Variants in FTO observed in about 807,000 individuals in gnomAD.
FTO encodes the protein FTO alpha-ketoglutarate dependent dioxygenase.
A neutral mutation model predicts 63.9 loss-of-function variants in FTO; 47 were observed. The ratio of observed to expected loss-of-function variants is 0.74; its 90% CI spans 0.58 to 0.94. The LOEUF is 0.94. FTO is among the 40% of genes least tolerant of loss of function. The pLI, the probability that FTO is intolerant of heterozygous loss-of-function variation, is 0.00. For synonymous variants in FTO, 207 were observed against 224.4 expected, an observed-to-expected ratio of 0.92 and a Z score of 0.69; for missense variants, 562 against 618.1, an observed-to-expected ratio of 0.91 and a Z score of 0.96.
At chr16:53,749,568 A>C (rs570553042) in intron 1 of FTO, among the ~76,000 whole-genome samples, 3 of 151,708 alleles carry the variant, frequency 2.0e-5, no homozygotes, top group South Asian at 2.1e-4. Context: ...CCTCCCGAGT[A>C]GCTGGGACTA....
intron 2 of FTO, among the ~76,000 whole-genome samples, chr16:53,815,638 T>G (rs2078656748): frequency 3.9e-5 from 1 of 25,784 alleles, no homozygotes; most frequent in South Asian, 1.6e-3. Context: ...ACTTTCTTGT[T>G]TTTTTTTTTT....
intron 4 of FTO, among the ~76,000 whole-genome samples, chr16:53,850,256 G>A (rs1026251141): frequency 1.3e-5 from 2 of 151,978 alleles, no homozygotes; most frequent in African/African-American, 4.8e-5. Flanking sequence ...TGACAGTATA[G>A]TTTCCACTGC....
chr16:53,733,246 C>T (rs146191472), intron 1 of FTO, among the ~76,000 whole-genome samples: 9 of 152,062 alleles, frequency 5.9e-5, no homozygotes, highest in East Asian at 1.9e-4. Flanking sequence ...ACTAAAGATA[C>T]GAAAAATTAG....
At chr16:54,001,631 C>T (rs1464668544) in intron 8 of FTO, among the ~76,000 whole-genome samples, 1 of 152,166 alleles carries the variant, frequency 6.6e-6, no homozygotes, top group East Asian at 1.9e-4. Flanking sequence ...CTGTTGCTTT[C>T]TCTAATGATT....
chr16:53,921,449 G>A (rs1450311156), intron 7 of FTO, among the ~76,000 whole-genome samples: 1 of 152,124 alleles, frequency 6.6e-6, no homozygotes, highest in East Asian at 1.9e-4. Flanking sequence ...TTTCGTACTT[G>A]GTATAGTTAG....
At chr16:53,989,967 C>G (rs1378869470) in intron 8 of FTO, among the ~76,000 whole-genome samples, 2 of 152,118 alleles carry the variant, frequency 1.3e-5, no homozygotes, top group African/African-American at 4.8e-5. Flanking sequence ...TTAACATTTT[C>G]TTTTCTCTAG....
At chr16:53,758,563 C>A (rs2076977766) in intron 1 of FTO, among the ~76,000 whole-genome samples, 1 of 152,124 alleles carries the variant, frequency 6.6e-6, no homozygotes, top group Non-Finnish European at 1.5e-5. Flanking sequence ...GTAGTGAGGC[C>A]CACCAGTTGA....
intron 8 of FTO, among the ~76,000 whole-genome samples, chr16:54,002,678 C>T (rs2084095471): frequency 6.6e-6 from 1 of 152,168 alleles, no homozygotes; most frequent in African/African-American, 2.4e-5. Context: ...TGGCCTTTTA[C>T]AATTATTTTT....
intron 8 of FTO, among the ~76,000 whole-genome samples, chr16:53,964,454 T>C (rs2083152300): frequency 6.6e-6 from 1 of 152,218 alleles, no homozygotes; most frequent in Non-Finnish European, 1.5e-5. Flanking sequence ...TGTATTCTTT[T>C]TTCATTTGTT....
At chr16:53,923,368 T>C (rs182623866) in intron 7 of FTO, among the ~76,000 whole-genome samples, 18 of 152,348 alleles carry the variant, frequency 1.2e-4, no homozygotes, top group African/African-American at 4.1e-4. Flanking sequence ...GGCTGTGCTA[T>C]ACTAGCTCTT....
intron 8 of FTO, among the ~76,000 whole-genome samples, chr16:54,027,587 C>T (rs2084743705): frequency 6.6e-6 from 1 of 152,016 alleles, no homozygotes; most frequent in Non-Finnish European, 1.5e-5. Flanking sequence ...AATCTGCTTT[C>T]TGAAAATCCC....
chr16:53,880,937 T>TAAAAAAAAAAAAAAAAAAAAAAAAAA, intron 6 of FTO, among the ~76,000 whole-genome samples: 1 of 67,682 alleles, frequency 1.5e-5, no homozygotes, highest in Non-Finnish European at 2.7e-5. Context: ...CCGTCTCTAC[T>TAAAAAAAAAAAAAAAAAAAAAAAAAA]AAAAAAAAAA....
At chr16:53,970,590 CA>C (rs750908676) in intron 8 of FTO, among the ~76,000 whole-genome samples, 117 of 65,298 alleles carry the variant, frequency 1.8e-3, no homozygotes, top group South Asian at 2.1e-3. Context: ...GACTCCATCT[CA>C]AAAAAAAAAA....
chr16:53,979,004 A>G (rs1304826922), intron 8 of FTO, among the ~76,000 whole-genome samples: 1 of 152,186 alleles, frequency 6.6e-6, no homozygotes, highest in Non-Finnish European at 1.5e-5. Flanking sequence ...GTCTCAAAAA[A>G]AAACCAAAAA....
intron 1 of FTO, among the ~76,000 whole-genome samples, chr16:53,764,505 G>C (rs1364539017): frequency 1.3e-5 from 2 of 150,824 alleles, no homozygotes; most frequent in Admixed American, 6.6e-5. Flanking sequence ...AAGAGGGGCT[G>C]AATTAACTGA....
At chr16:53,960,718 G>A (rs1002454768) in intron 8 of FTO, among the ~76,000 whole-genome samples, 6 of 147,094 alleles carry the variant, frequency 4.1e-5, no homozygotes, top group South Asian at 2.1e-4. Flanking sequence ...AAATGGGGGT[G>A]GGGGGGGCGC....
At chr16:54,001,157 G>A (rs1172674318) in intron 8 of FTO, among the ~76,000 whole-genome samples, 1 of 152,148 alleles carries the variant, frequency 6.6e-6, no homozygotes, top group Non-Finnish European at 1.5e-5. Flanking sequence ...ATGACTGTTG[G>A]CCAAACTTTG....
chr16:53,906,025 T>G (rs554009424), intron 7 of FTO, among the ~76,000 whole-genome samples: 73 of 152,344 alleles, frequency 4.8e-4, no homozygotes, highest in Admixed American at 9.1e-4. Flanking sequence ...CTCTGGAATG[T>G]AATTTCTCTG....
At chr16:53,845,597 T>C (rs915105993) in intron 4 of FTO, among the ~76,000 whole-genome samples, 2 of 152,234 alleles carry the variant, frequency 1.3e-5, no homozygotes, top group East Asian at 3.8e-4. Context: ...TTTACATCAC[T>C]ATCTTAAATG....
Sources: gnomAD v4.1 joint callset for allele counts (sites outside exome capture counted in the v4.1 genomes callset) on GRCh38, gnomAD v4.1.1 for gene constraint, MANE v1.5 for transcripts, NCBI Gene and HGNC (gene_info 2026-07-23, HGNC 2026-07-21) for gene names.